Variants in PRDM15 observed in about 807,000 individuals in gnomAD.
PRDM15 encodes PR domain zinc finger protein 15.
Under a neutral mutation model 128.6 loss-of-function variants are expected in PRDM15, and 64 were observed. The observed-to-expected ratio is 0.50, with a 90% CI of 0.41 to 0.61. The LOEUF (loss-of-function observed/expected upper bound fraction) is 0.61, where lower values mean the gene tolerates loss of function less well. Ranked by LOEUF, PRDM15 falls within the 20% of genes least tolerant of loss-of-function variation. PRDM15 has a pLI of 0.00. For missense variants in PRDM15, 1,242 were observed against 1,569.1 expected, an observed-to-expected ratio of 0.79 and a Z score of 3.52; for synonymous variants, 615 against 621.8, an observed-to-expected ratio of 0.99 and a Z score of 0.16.
intron 1 of PRDM15, among the ~76,000 whole-genome samples, chr21:41,863,541 T>C (rs575357683): frequency 2.0e-5 from 3 of 151,698 alleles, no homozygotes; most frequent in Non-Finnish European, 4.4e-5. Context: ...ACCAAACTTA[T>C]CAGAAATGTC....
chr21:41,829,932 T>C (rs1220534264), intron 11 of PRDM15, among the ~76,000 whole-genome samples: 2 of 109,934 alleles, frequency 1.8e-5, no homozygotes, highest in Non-Finnish European at 3.8e-5. Flanking sequence ...TCACCCCAAA[T>C]ACCCAATCAC....
intron 1 of PRDM15, among the ~76,000 whole-genome samples, chr21:41,873,285 T>TG (rs2146035494): frequency 6.6e-6 from 1 of 152,276 alleles, no homozygotes; most frequent in South Asian, 2.1e-4. Flanking sequence ...GGAGGGCGCA[T>TG]GGGGGTATAT....
intron 1 of PRDM15, among the ~76,000 whole-genome samples, chr21:41,866,778 C>G (rs1031285836): frequency 2.0e-4 from 31 of 152,318 alleles, no homozygotes; most frequent in Admixed American, 1.3e-3. Flanking sequence ...ACGCTTCCCC[C>G]CTTCCACACA....
chr21:41,850,970 C>G (rs7282500), intron 5 of PRDM15, among the ~76,000 whole-genome samples: 33,022 of 152,050 alleles, frequency 0.22, 3,803 homozygotes, highest in Admixed American at 0.33. Flanking sequence ...GGATCTCTCA[C>G]GCTCACCAGG....
At chr21:41,840,114 T>C (rs919559099) in intron 6 of PRDM15, among the ~76,000 whole-genome samples, 10 of 152,112 alleles carry the variant, frequency 6.6e-5, no homozygotes, top group African/African-American at 2.2e-4. Flanking sequence ...CACACACACA[T>C]ATGTCTGCAA....
chr21:41,864,945 C>A (rs534044269), intron 1 of PRDM15, among the ~76,000 whole-genome samples: 158 of 149,682 alleles, frequency 1.1e-3, no homozygotes, highest in African/African-American at 3.8e-3. Context: ...TGCCTCTGGG[C>A]CTTTCCACAT....
rs550669664 is a variant in PRDM15, at chr21:41,858,290, G to A, written c.132-961C>T. 3.9e-5 allele frequency among the ~76,000 whole-genome samples: 6 copies of A among 152,356 alleles called. No homozygotes were observed. In the South Asian group the frequency reaches 1.0e-3, roughly 26 times the overall value. ...ACGTCCAGGACAGAGGCGGACATGG[G>A]GTCCCCAGAGCACAGGCCCCTCGGA... On this transcript the variant is annotated intron_variant, in intron 3 of 23. Coordinates refer to ENST00000398548, the MANE Select transcript of PRDM15 (RefSeq NM_001040424.3).
rs1194963541 is a variant in PRDM15 at position 41,810,541 on chromosome 21, G to A, written c.2476+212C>T. The A allele has an allele frequency of 7.7e-6, 5 of 646,844 alleles. No homozygotes were observed. The highest frequency in any genetic ancestry group is 8.0e-6 in the Non-Finnish European group (3 of 376,886). The allele number at this position is 646,844 out of a possible 1,614,324, so 40.1% of individuals were successfully genotyped here. On this transcript the variant is annotated intron_variant, in intron 20 of 23. Coordinates refer to ENST00000398548, the MANE Select transcript of PRDM15 (RefSeq NM_001040424.3). This position sits in a 1 kb window ranked among gnomAD's most constrained non-coding sequence, Gnocchi z 6.4. ...CACTGCCAGCAGCAGCTGCATCACG[G>A]AACCAATATGAGAAAATTCAAGAAG...
chr21:41,806,626 T>C (rs974739181), intron 21 of PRDM15, among the ~76,000 whole-genome samples: 2 of 2,892 alleles, frequency 6.9e-4, no homozygotes, highest in African/African-American at 9.7e-4. Context: ...ACCACCATCA[T>C]CACCACCACC....
At chr21:41,824,868 G>A (rs1441774839) in intron 13 of PRDM15, among the ~76,000 whole-genome samples, 1 of 152,240 alleles carries the variant, frequency 6.6e-6, no homozygotes, top group East Asian at 1.9e-4. Context: ...TCTTTAAAAG[G>A]TCAAAAGCTC....
At chr21:41,866,608 C>T (rs181442073) in intron 1 of PRDM15, among the ~76,000 whole-genome samples, 187 of 152,378 alleles carry the variant, frequency 1.2e-3, no homozygotes, top group Non-Finnish European at 1.6e-3. Context: ...TCTTGCAAGC[C>T]AACAATGCTG....
In PRDM15 at chr21:41,811,932, A is replaced by T. The variant is rs1319868010; in HGVS notation, c.2393-1096T>A. On this transcript the variant is annotated intron_variant, in intron 19 of 23. Coordinates refer to ENST00000398548, the MANE Select transcript of PRDM15 (RefSeq NM_001040424.3). The surrounding 1 kb of genome is among the most constrained non-coding windows in gnomAD (Gnocchi z 4.1). ...CGTGATCCGCCCGCCTCGGCCTCCC[A>T]AAGTGCTGGGATTACAAGCGTGAGC... 1 of 152,206 alleles carries T rather than the reference A, an allele frequency of 6.6e-6. No homozygotes were observed. Among genetic ancestry groups the T allele is most frequent in the Non-Finnish European group, 1.5e-5 (1 of 68,076 alleles). 9.4% of individuals were successfully genotyped at this position (152,206 alleles called of 1,614,324 possible).
intron 19 of PRDM15, chr21:41,814,755 G>T (rs1278127520): frequency 7.3e-5 from 11 of 150,808 alleles, no homozygotes; most frequent in Non-Finnish European, 1.2e-4. Flanking sequence ...GATTGCGCAG[G>T]GTGCTCTAGT....
In PRDM15 at chr21:41,828,376, T is replaced by C. The variant is rs2062546039; in HGVS notation, c.1367-43A>G. On this transcript the variant is annotated intron_variant, in intron 11 of 23. Coordinates refer to ENST00000398548, the MANE Select transcript of PRDM15 (RefSeq NM_001040424.3). The surrounding 1 kb of genome is among the most constrained non-coding windows in gnomAD (Gnocchi z 5.7). ...AAACACACAACGATTTTGAGGTAAA[T>C]AACATCTCACGCAGGCACGCACGTG... 1.2e-6 allele frequency: 2 copies of C among 1,607,078 alleles called. No homozygotes were observed. Among genetic ancestry groups the C allele is most frequent in the Non-Finnish European group, 1.7e-6 (2 of 1,174,848 alleles).
At chr21:41,853,314 C>A (rs2063484256) in intron 5 of PRDM15, among the ~76,000 whole-genome samples, 1 of 152,176 alleles carries the variant, frequency 6.6e-6, no homozygotes, top group African/African-American at 2.4e-5. Context: ...TCTTAAGCTA[C>A]CGAGCTACTA....
intron 7 of PRDM15, among the ~76,000 whole-genome samples, chr21:41,839,227 C>T (rs554888347): frequency 2.6e-5 from 4 of 152,258 alleles, no homozygotes; most frequent in South Asian, 2.1e-4. Flanking sequence ...ACCACGTGGG[C>T]GGGTCTCGAG....
At chr21:41,846,153 TG>T (rs1300327957) in intron 6 of PRDM15, among the ~76,000 whole-genome samples, 5 of 152,220 alleles carry the variant, frequency 3.3e-5, no homozygotes, top group African/African-American at 1.2e-4. Flanking sequence ...ACAACTGCAC[TG>T]CCTGGAACCC....
intron 12 of PRDM15, among the ~76,000 whole-genome samples, chr21:41,826,961 C>T (rs2046022915): frequency 6.7e-6 from 1 of 149,898 alleles, no homozygotes; most frequent in Non-Finnish European, 1.5e-5. Flanking sequence ...TGGCAGCATC[C>T]ACAGTTACTG....
At chr21:41,878,534 C>A (rs190049612) in intron 1 of PRDM15, among the ~76,000 whole-genome samples, 1,694 of 152,300 alleles carry the variant, frequency 0.011, 29 homozygotes, top group African/African-American at 0.039. Flanking sequence ...CACCTGTCCA[C>A]GCGAGGCGGG....
Sources: allele counts gnomAD v4.1 joint callset (sites outside exome capture counted in the v4.1 genomes callset), GRCh38; gene constraint gnomAD v4.1.1; non-coding constraint Gnocchi (gnomAD v3.1); transcripts MANE v1.5; gene names NCBI Gene and HGNC (gene_info 2026-07-23, HGNC 2026-07-21).